GLIPR1: variants seen among roughly 807,000 people sequenced by gnomAD.
GLIPR1 encodes the protein glioma pathogenesis-related protein 1.
In GLIPR1, 38 loss-of-function variants were observed where a neutral mutation model predicts 30.3. That is an observed-to-expected ratio of 1.26 (90% CI 0.97 to 1.65). The LOEUF (loss-of-function observed/expected upper bound fraction) is 1.65, where lower values mean the gene tolerates loss of function less well. Among genes scored for constraint, GLIPR1 ranks in the 40% most tolerant of loss-of-function variants. The probability of loss-of-function intolerance (pLI) is 0.00; values close to 1 mark genes in which losing one functional copy is unlikely to be tolerated. For synonymous variants in GLIPR1, 122 were observed against 110.6 expected (o/e 1.10, Z -0.65); for missense variants, 285 against 326.5 (o/e 0.87, Z 0.98).
intron 2 of GLIPR1, among the ~76,000 whole-genome samples, chr12:75,485,758 G>A (rs931999959): frequency 2.0e-5 from 3 of 151,902 alleles, no homozygotes; most frequent in Non-Finnish European, 4.4e-5. Flanking sequence ...CACCGTTTTA[G>A]CCGGGATGGT....
chr12:75,482,958 T>A (rs967670338), intron 2 of GLIPR1, among the ~76,000 whole-genome samples: 3 of 152,048 alleles, frequency 2.0e-5, no homozygotes, highest in Non-Finnish European at 2.9e-5. Context: ...TCAGTTGAAA[T>A]GAGGTATGAA....
At position 75,500,087 on chromosome 12, in the gene GLIPR1, G is replaced by GATCACAGTATAAAATAT. The variant is rs1321712851; in HGVS notation, c.*1111_*1127dup. The GATCACAGTATAAAATAT allele has an allele frequency of 1.2e-5, 7 of 590,686 alleles. No individual in the cohort carries two copies. The East Asian group carries it at 2.4e-4, about 20-fold the overall frequency. The allele number at this position is 590,686 out of a possible 1,614,324, so 36.6% of individuals were successfully genotyped here. A position where few individuals can be genotyped will look rare whatever the true frequency, so the allele number is the denominator to read the frequency against. ...TCTTATAATTGAATAATTGAAAGGT[G>GATCACAGTATAAAATAT]ATCACAGTATAAAATATAAAAACAC... is the stretch of plus-strand genomic sequence containing the variant. On this transcript the variant is annotated 3_prime_UTR_variant, in exon 6 of 6. Transcript: ENST00000266659.
Position 75,501,286 on chromosome 12 carries a change from G to A in GLIPR1, c.*2308G>A, listed in dbSNP as rs1176640592. The A allele has an allele frequency of 6.2e-6, 1 of 160,448 alleles. No homozygotes were observed. The highest frequency in any genetic ancestry group is 1.4e-5 in the Non-Finnish European group (1 of 72,888). 9.9% of individuals were successfully genotyped at this position (160,448 alleles called of 1,614,324 possible). ...GAATAAGACCTGTCAGCATCCTTTA[G>A]TCTAAGGTGATGAGAAATCCATGTT... On this transcript the variant is annotated 3_prime_UTR_variant, in exon 6 of 6. Transcript: ENST00000266659.
At chr12:75,487,742 T>C (rs770132396) in intron 2 of GLIPR1, 53 of 456,142 alleles carry the variant, frequency 1.2e-4, no homozygotes, top group Non-Finnish European at 2.1e-4. Flanking sequence ...CCTCCAGGTG[T>C]CACAGGAAAG....
At position 75,501,536 on chromosome 12, in the gene GLIPR1, A is replaced by T; in HGVS notation, c.*2558A>T. On this transcript the variant is annotated 3_prime_UTR_variant, in exon 6 of 6. Transcript: ENST00000266659. ...GGACTGTCAATCCAGTTTGCACTGA[A>T]ATAGGCATTAGCTGCCTCTAAATTA... 1 of 561,806 alleles carries T rather than the reference A, an allele frequency of 1.8e-6. No individual in the cohort carries two copies. The highest frequency in any genetic ancestry group is 2.3e-5 in the South Asian group (1 of 42,942). The allele number at this position is 561,806 out of a possible 1,614,324, so 34.8% of individuals were successfully genotyped here.
chr12:75,491,414 A>T (rs1169286040), intron 3 of GLIPR1: 1 of 152,242 alleles, frequency 6.6e-6, no homozygotes. Context: ...TGGTACCACC[A>T]TCCTGTTGAA....
intron 2 of GLIPR1, among the ~76,000 whole-genome samples, chr12:75,485,992 C>A (rs1218188256): frequency 6.6e-6 from 1 of 151,900 alleles, no homozygotes; most frequent in Non-Finnish European, 1.5e-5. Context: ...ATCTTCCTTC[C>A]CTCTGGGTTC....
At chr12:75,487,519 T>C (rs1488709007) in intron 2 of GLIPR1, among the ~76,000 whole-genome samples, 1 of 152,192 alleles carries the variant, frequency 6.6e-6, no homozygotes, top group African/African-American at 2.4e-5. Context: ...AAAGAAATGT[T>C]TCTAGGGAGC....
At chr12:75,481,566 G>A (rs1255948476) in intron 1 of GLIPR1, 1 of 442,460 alleles carries the variant, frequency 2.3e-6, no homozygotes, top group African/African-American at 2.0e-5. Context: ...ATGGAATAAT[G>A]TTGTGAAACA....
intron 2 of GLIPR1, among the ~76,000 whole-genome samples, chr12:75,488,146 T>C (rs1030200571): frequency 6.6e-6 from 1 of 152,190 alleles, no homozygotes; most frequent in Non-Finnish European, 1.5e-5. Context: ...CTGTATCTTG[T>C]GCCAAACTCC....
chr12:75,481,685 T>A, intron 1 of GLIPR1, 149 bp from the exon 2 acceptor site: 1 of 697,490 alleles, frequency 1.4e-6, no homozygotes, highest in Non-Finnish European at 2.5e-6. Flanking sequence ...CCAGCCCTAC[T>A]CAGTGCTTGA....
chr12:75,487,663 C>A, intron 2 of GLIPR1: 1 of 429,044 alleles, frequency 2.3e-6, no homozygotes, highest in Non-Finnish European at 4.7e-6. Context: ...CCACTTCTAC[C>A]ACACCTTTAA....
chr12:75,496,804 T>C (rs899792416), intron 4 of GLIPR1: 7 of 152,204 alleles, frequency 4.6e-5, no homozygotes, highest in Admixed American at 6.5e-5. Context: ...ATTATAAAAT[T>C]CTATATATTA....
intron 2 of GLIPR1, among the ~76,000 whole-genome samples, chr12:75,485,561 A>ATTTATTTATTT (rs766932767): frequency 6.7e-6 from 1 of 148,786 alleles, no homozygotes. Context: ...TTATTTATTT[A>ATTTATTTATTT]TTTTTTTGAG....
rs776874596 is a variant in GLIPR1 at position 75,498,729 on chromosome 12, A to C, written c.646+9A>C. ...GCGAGACCAAGTCAAACGTACGTAC[A>C]TCAATCTTAAATTGTTTCATTAAGA... On this transcript the variant is annotated intron_variant, in intron 5 of 5. Coordinates refer to ENST00000266659, the MANE Select transcript of GLIPR1 (RefSeq NM_006851.3). 56 of 1,612,322 alleles carry C rather than the reference A, an allele frequency of 3.5e-5. No homozygotes were observed. The highest frequency in any genetic ancestry group is 1.6e-4 in the Middle Eastern group (1 of 6,070).
At position 75,502,531 on chromosome 12, in the gene GLIPR1, G is replaced by A; in HGVS notation, c.*3553G>A. ...TCAATATACAGCCAACATGTAAAAT[G>A]TGTATAACTGACCTGTCTCCCACTT... On this transcript the variant is annotated 3_prime_UTR_variant, in exon 6 of 6. Transcript: ENST00000266659. The A allele has an allele frequency of 6.5e-6, 1 of 153,008 alleles. No individual in the cohort carries two copies. Among genetic ancestry groups the A allele is most frequent in the Non-Finnish European group, 1.5e-5 (1 of 68,498 alleles). 9.5% of individuals were successfully genotyped at this position (153,008 alleles called of 1,614,324 possible). A position where few individuals can be genotyped will look rare whatever the true frequency, so the allele number is the denominator to read the frequency against.
chr12:75,500,749 G>T lies in GLIPR1; in HGVS notation c.*1771G>T, dbSNP rs1330413236. 6.6e-6 allele frequency: 1 copy of T among 151,888 alleles called. No homozygotes were observed. Among genetic ancestry groups the T allele is most frequent in the African/African-American group, 2.4e-5 (1 of 41,368 alleles). 9.4% of individuals were successfully genotyped at this position (151,888 alleles called of 1,614,324 possible). ...CAAAGTACAGGATCACAGCATAAAA[G>T]AATCATAAGATAAAACATCAAACTA... is the stretch of plus-strand genomic sequence containing the variant. On this transcript the variant is annotated 3_prime_UTR_variant, in exon 6 of 6. Coordinates refer to ENST00000266659, the MANE Select transcript of GLIPR1 (RefSeq NM_006851.3).
intron 3 of GLIPR1, 60 bp from the exon 4 acceptor site, chr12:75,495,517 T>C: frequency 1.2e-6 from 1 of 844,982 alleles, no homozygotes; most frequent in East Asian, 2.5e-5. Context: ...GGATTCATAG[T>C]AAATTGCAAT....
At chr12:75,498,796 A>C in intron 5 of GLIPR1, 28 bp from the exon 6 acceptor site, 1 of 1,611,602 alleles carries the variant, frequency 6.2e-7, no homozygotes, top group Non-Finnish European at 8.5e-7. Context: ...AACAATGTCT[A>C]AGAGGATATT....
Sources: gnomAD v4.1 joint callset for allele counts (sites outside exome capture counted in the v4.1 genomes callset) on GRCh38, gnomAD v4.1.1 for gene constraint, MANE v1.5 for transcripts, NCBI Gene and HGNC (gene_info 2026-07-23, HGNC 2026-07-21) for gene names.